CCR9: variants seen among roughly 807,000 people sequenced by gnomAD.
CCR9 encodes C-C motif chemokine receptor 9.
A neutral mutation model predicts 8.7 loss-of-function variants in CCR9; 4 were observed. The ratio of observed to expected loss-of-function variants is 0.46; its 90% CI spans 0.23 to 1.06. The LOEUF (loss-of-function observed/expected upper bound fraction) is 1.06, where lower values mean the gene tolerates loss of function less well. CCR9 is among the 50% of genes least tolerant of loss of function. CCR9 has a pLI of 0.21. For synonymous variants in CCR9, 159 were observed against 168.8 expected (o/e 0.94, Z 0.45); for missense variants, 394 against 453.6 (o/e 0.87, Z 1.19).
intron 2 of CCR9, among the ~76,000 whole-genome samples, chr3:45,895,695 C>T (rs984039521): frequency 6.8e-6 from 1 of 147,098 alleles, no homozygotes; most frequent in African/African-American, 2.5e-5. Context: ...GCCTGGGCAA[C>T]AGAGCGAGAC....
intron 1 of CCR9, among the ~76,000 whole-genome samples, chr3:45,893,131 C>A (rs994597069): frequency 1.3e-5 from 2 of 152,006 alleles, no homozygotes; most frequent in African/African-American, 4.8e-5. Flanking sequence ...TGCCCTCCCA[C>A]ACTCCCCTTC....
chr3:45,900,945 C>A lies in CCR9; in HGVS notation c.157C>A (p.Pro53Thr). The A allele has an allele frequency of 1.2e-6, 2 of 1,614,206 alleles. No individual in the cohort carries two copies. The highest frequency in any genetic ancestry group is 1.7e-6 in the Non-Finnish European group (2 of 1,180,040). Residue 53 changes from proline (P) to threonine (T), a missense_variant, in exon 3 of 3, where the codon CCC (proline) becomes ACC (threonine). Coordinates refer to ENST00000357632, the MANE Select transcript of CCR9 (RefSeq NM_031200.3). The surrounding 1 kb of genome is among the most constrained non-coding windows in gnomAD (Gnocchi z 4.7). The part of the protein sequence containing the change: ...VRQFASHFLP[P>T]LYWLVFIVGA... ...GCAGTTTGCGAGCCATTTCCTCCCA[C>A]CCTTGTACTGGCTCGTGTTCATCGT...
Position 45,901,403 on chromosome 3 carries a change from T to A in CCR9, c.615T>A (p.Asp205Glu). ...IAICTMVYPS[D>E]ESTKLKSAVL... Reference sequence around the variant, plus strand: ...TCTGCACCATGGTTTACCCTAGCGATGAGAGCACCAAACTGAAGTCAGCTG... The same window carrying A: ...TCTGCACCATGGTTTACCCTAGCGAAGAGAGCACCAAACTGAAGTCAGCTG... The change falls in exon 3 of 3, where the codon GAT (aspartate) becomes GAA (glutamate). Residue 205 changes from aspartate to glutamate, a missense_variant. Asp to Glu is a conservative substitution (Grantham distance 45, BLOSUM62 2). Coordinates refer to ENST00000357632, the MANE Select transcript of CCR9 (RefSeq NM_031200.3). This position sits in a 1 kb window ranked among gnomAD's most constrained non-coding sequence, Gnocchi z 4.3. The A allele has an allele frequency of 6.2e-7, 1 of 1,614,174 alleles. No individual in the cohort carries two copies. The highest frequency in any genetic ancestry group is 8.5e-7 in the Non-Finnish European group (1 of 1,179,998).
intron 1 of CCR9, among the ~76,000 whole-genome samples, chr3:45,889,099 C>T (rs904358850): frequency 1.1e-4 from 17 of 152,186 alleles, no homozygotes; most frequent in Admixed American, 1.0e-3. Context: ...GATTGTCCTG[C>T]GTCAGCCAGC....
intron 1 of CCR9, among the ~76,000 whole-genome samples, chr3:45,892,803 C>A (rs1486916867): frequency 6.6e-6 from 1 of 152,136 alleles, no homozygotes; most frequent in African/African-American, 2.4e-5. Flanking sequence ...TACAACAGCA[C>A]AAGGCACTCC....
At chr3:45,887,640 C>T (rs541506951) in intron 1 of CCR9, among the ~76,000 whole-genome samples, 12 of 152,336 alleles carry the variant, frequency 7.9e-5, no homozygotes, top group African/African-American at 1.2e-4. Flanking sequence ...CTTTCCTGAA[C>T]GAGCAAAAGC....
chr3:45,897,140 C>A (rs1306839605), intron 2 of CCR9, among the ~76,000 whole-genome samples: 2 of 152,172 alleles, frequency 1.3e-5, no homozygotes, highest in Non-Finnish European at 2.9e-5. Flanking sequence ...CCTGGCTGTG[C>A]ACTGAGGTTT....
intron 2 of CCR9, among the ~76,000 whole-genome samples, chr3:45,895,628 C>T (rs975601739): frequency 2.0e-5 from 3 of 151,822 alleles, no homozygotes; most frequent in Admixed American, 6.6e-5. Context: ...GCACGAGAGT[C>T]GCTTGAGCCT....
chr3:45,899,870 G>A (rs1335721996), intron 2 of CCR9, among the ~76,000 whole-genome samples: 1 of 152,136 alleles, frequency 6.6e-6, no homozygotes, highest in Non-Finnish European at 1.5e-5. Context: ...CCGTAGCAGG[G>A]GTTTTAGGAT....
chr3:45,889,194 A>C (rs1702071022), intron 1 of CCR9, among the ~76,000 whole-genome samples: 1 of 152,160 alleles, frequency 6.6e-6, no homozygotes, highest in African/African-American at 2.4e-5. Flanking sequence ...TCTGTTGCCC[A>C]GGCTGATCTC....
At chr3:45,888,307 C>G (rs753847948) in intron 1 of CCR9, among the ~76,000 whole-genome samples, 14 of 152,120 alleles carry the variant, frequency 9.2e-5, no homozygotes, top group Non-Finnish European at 1.9e-4. Flanking sequence ...CTTCAAGGAC[C>G]CGCAAAAATG....
intron 1 of CCR9, among the ~76,000 whole-genome samples, chr3:45,893,231 T>C (rs1702246419): frequency 6.6e-6 from 1 of 151,884 alleles, no homozygotes; most frequent in African/African-American, 2.4e-5. Context: ...CTTGGCTCAC[T>C]GCAACCTCTG....
chr3:45,897,683 A>T, intron 2 of CCR9: 1 of 1,350,246 alleles, frequency 7.4e-7, no homozygotes, highest in Non-Finnish European at 1.0e-6. Flanking sequence ...GCCCCCTCTC[A>T]TTTGTTCCCC....
rs1553617313 is a variant in CCR9 at position 45,897,992 on chromosome 3, A to AC, written c.22-2818_22-2817insC. ...TATTTGACCAAAAAAAAAAAAAAAA[A>AC]ACACACAAAACACAAAACACCAACC... On this transcript the variant is annotated intron_variant, in intron 2 of 2. Transcript: ENST00000357632. Among the ~76,000 whole-genome samples, 245 of 149,524 alleles carry AC rather than the reference A, an allele frequency of 1.6e-3. 1 individual carries two copies. The highest frequency in any genetic ancestry group is 0.011 in the Middle Eastern group (3 of 284).
rs1559421614 is a variant in CCR9 at position 45,890,337 on chromosome 3, C to CATATATATATTTATATAA, written c.-29+3692_-29+3693insTTATATAAATATATATAT. 4.9e-4 allele frequency among the ~76,000 whole-genome samples: 31 copies of CATATATATATTTATATAA among 63,118 alleles called. 6 individuals are homozygous for CATATATATATTTATATAA. Among genetic ancestry groups the CATATATATATTTATATAA allele is most frequent in the African/African-American group, 2.4e-3 (19 of 7,974 alleles). The allele number at this position is 63,118 out of a possible 152,430, so 41.4% of individuals were successfully genotyped here. A position where few individuals can be genotyped will look rare whatever the true frequency, so the allele number is the denominator to read the frequency against. ...TATATTTATATAAATATATATATAA[C>CATATATATATTTATATAA]ATATATATATAACATATATATATAT... is the stretch of plus-strand genomic sequence containing the variant. On this transcript the variant is annotated intron_variant, in intron 1 of 2. Transcript: ENST00000357632.
chr3:45,890,575 C>A (rs1183158611), intron 1 of CCR9, among the ~76,000 whole-genome samples: 1 of 151,218 alleles, frequency 6.6e-6, no homozygotes, highest in Non-Finnish European at 1.5e-5. Context: ...CAGAGGCTCA[C>A]TGGGCTTCTT....
chr3:45,894,608 T>C (rs549423564), intron 1 of CCR9, among the ~76,000 whole-genome samples: 69 of 152,158 alleles, frequency 4.5e-4, no homozygotes, highest in Non-Finnish European at 8.5e-4. Context: ...CATTCCTCAT[T>C]TGTGGATGGG....
chr3:45,899,815 G>A (rs1181070256), intron 2 of CCR9, among the ~76,000 whole-genome samples: 3 of 152,176 alleles, frequency 2.0e-5, no homozygotes, highest in African/African-American at 7.2e-5. Flanking sequence ...TTTGACTCAA[G>A]GGCTTACATC....
intron 2 of CCR9, among the ~76,000 whole-genome samples, chr3:45,895,473 G>A (rs566239101): frequency 2.9e-4 from 44 of 152,342 alleles, no homozygotes; most frequent in Non-Finnish European, 4.4e-4. Context: ...CACTTTGGGA[G>A]GCAGAGGCGG....
Sources: allele counts gnomAD v4.1 joint callset (sites outside exome capture counted in the v4.1 genomes callset), GRCh38; gene constraint gnomAD v4.1.1; non-coding constraint Gnocchi (gnomAD v3.1); transcripts MANE v1.5; gene names NCBI Gene and HGNC (gene_info 2026-07-23, HGNC 2026-07-21).